NECAB2: variants seen among roughly 807,000 people sequenced by gnomAD.
The protein encoded by NECAB2 is N-terminal EF-hand calcium-binding protein 2.
Under a neutral mutation model 51.9 loss-of-function variants are expected in NECAB2, and 68 were observed. The observed-to-expected ratio is 1.31, with a 90% CI of 1.08 to 1.60. The LOEUF is 1.60. Ranked by LOEUF, NECAB2 falls within the 40% of genes most tolerant of loss-of-function variation. NECAB2 has a pLI of 0.00. For missense variants in NECAB2, 854 were observed against 490.3 expected, an observed-to-expected ratio of 1.74 and a Z score of -7.00; for synonymous variants, 329 against 203.5, an observed-to-expected ratio of 1.62 and a Z score of -5.25.
At chr16:84,001,462 C>G (rs1368719779) in intron 11 of NECAB2, among the ~76,000 whole-genome samples, 1 of 152,144 alleles carries the variant, frequency 6.6e-6, no homozygotes, top group Non-Finnish European at 1.5e-5. Flanking sequence ...CCTGTCCGTA[C>G]TTCAGTGACT....
chr16:84,000,455 C>G (rs1287477837), intron 10 of NECAB2, among the ~76,000 whole-genome samples: 1 of 152,194 alleles, frequency 6.6e-6, no homozygotes, highest in Non-Finnish European at 1.5e-5. Flanking sequence ...TGCACTCCAG[C>G]CTGGGCAACA....
rs370686183 is a variant in NECAB2 at position 84,001,646 on chromosome 16, C to T, written c.1041-179C>T. ...CAGGGAAAAAGAGAAGCTCACTGCC[C>T]ACCCCAGAGTCAGCCTCCCTGGGCA... On this transcript the variant is annotated intron_variant, in intron 11 of 12. Transcript: ENST00000305202. Among the ~76,000 whole-genome samples the T allele has an allele frequency of 1.1e-4, 17 of 152,156 alleles. No individual in the cohort carries two copies. In the South Asian group the frequency reaches 1.5e-3, roughly 13 times the overall value.
chr16:83,979,415 G>A (rs1370830236), intron 3 of NECAB2, among the ~76,000 whole-genome samples: 1 of 152,152 alleles, frequency 6.6e-6, no homozygotes, highest in Non-Finnish European at 1.5e-5. Flanking sequence ...TGGTGGTTTG[G>A]ACCAGAGGCT....
intron 5 of NECAB2, among the ~76,000 whole-genome samples, 174 bp from the exon 6 acceptor site, chr16:83,990,320 G>A (rs1439048505): frequency 6.6e-6 from 1 of 152,194 alleles, no homozygotes; most frequent in African/African-American, 2.4e-5. Context: ...TCTAGCCTCT[G>A]CGTTGGAAAT....
upstream of NECAB2, chr16:83,965,482 C>T (rs141076493): frequency 2.2e-4 from 356 of 1,608,242 alleles, 1 homozygote; most frequent in African/African-American, 4.1e-3. Context: ...CGGTCCTCTA[C>T]GCCCGCCACT....
rs575418893 is a variant in NECAB2 at position 83,999,267 on chromosome 16, A to C, written c.962+950A>C. ...GGCCATTCTTGAGTAAGTAGCCAGG[A>C]TGGGGGGGCAGGACCCACTCCACTC... On this transcript the variant is annotated intron_variant, in intron 10 of 12. Coordinates refer to ENST00000305202, the MANE Select transcript of NECAB2 (RefSeq NM_019065.3). Among the ~76,000 whole-genome samples the C allele has an allele frequency of 2.7e-3, 404 of 148,094 alleles. 1 individual carries two copies. The highest frequency in any genetic ancestry group is 0.01 in the African/African-American group (385 of 38,266).
chr16:83,965,714 G>A (rs761992566), upstream of NECAB2: 18 of 1,613,494 alleles, frequency 1.1e-5, no homozygotes, highest in South Asian at 5.5e-5. Flanking sequence ...CCAGGACCTC[G>A]AGGGTGTCGA....
chr16:83,966,082 G>A (rs1053486049), upstream of NECAB2: 104 of 1,215,870 alleles, frequency 8.6e-5, no homozygotes, highest in South Asian at 1.7e-4. Context: ...TGCAGGACCC[G>A]TCCAAAGATG....
chr16:83,973,985 C>T (rs1395630354), intron 2 of NECAB2, among the ~76,000 whole-genome samples: 1 of 152,036 alleles, frequency 6.6e-6, no homozygotes, highest in Non-Finnish European at 1.5e-5. Context: ...CCCTCGGGCA[C>T]AGATGGGGTT....
chr16:83,999,563 C>A (rs562112892), intron 10 of NECAB2, among the ~76,000 whole-genome samples: 5 of 152,138 alleles, frequency 3.3e-5, no homozygotes, highest in African/African-American at 1.2e-4. Flanking sequence ...CTAGGCTGAG[C>A]ACTGTAGCCC....
At chr16:83,970,120 A>C (rs1274055446) in intron 1 of NECAB2, among the ~76,000 whole-genome samples, 2 of 152,146 alleles carry the variant, frequency 1.3e-5, no homozygotes, top group South Asian at 2.1e-4. Context: ...TGCAGCCCCA[A>C]GCTGCCCTGC....
intron 1 of NECAB2, among the ~76,000 whole-genome samples, chr16:83,970,734 G>A (rs1473570212): frequency 6.6e-6 from 1 of 152,140 alleles, no homozygotes; most frequent in Non-Finnish European, 1.5e-5. Flanking sequence ...TACCCTCCTT[G>A]TTAAAACAAG....
Position 83,981,051 on chromosome 16 carries a change from G to T in NECAB2, c.383G>T (p.Gly128Val). 6.2e-7 allele frequency: 1 copy of T among 1,614,160 alleles called. No homozygotes were observed. Among genetic ancestry groups the T allele is most frequent in the Non-Finnish European group, 8.5e-7 (1 of 1,180,016 alleles). ...ELCDYFVDHM[G>V]DYEDVLASLE... is the part of the protein sequence containing the mutation. ...CCAGATTACTTTGTGGACCACATGG[G>T]TGACTATGAGGATGTCCTGGCCTCC... The change falls in exon 5 of 13, where the codon GGT becomes GTT. Residue 128 changes from glycine (G) to valine (V), a missense_variant. Transcript: ENST00000305202.
chr16:83,996,511 C>G (rs1029464907), intron 8 of NECAB2, among the ~76,000 whole-genome samples: 1 of 152,164 alleles, frequency 6.6e-6, no homozygotes, highest in African/African-American at 2.4e-5. Context: ...GATGGTCTGT[C>G]CTCATGGAGG....
At chr16:83,983,205 G>C (rs1021531333) in intron 5 of NECAB2, among the ~76,000 whole-genome samples, 1 of 152,142 alleles carries the variant, frequency 6.6e-6, no homozygotes, top group Non-Finnish European at 1.5e-5. Flanking sequence ...TTTGTTTGTA[G>C]AAATGCAGCT....
At chr16:83,968,079 C>T (rs1317573925), upstream of NECAB2, among the ~76,000 whole-genome samples, 5 of 151,834 alleles carry the variant, frequency 3.3e-5, no homozygotes, top group South Asian at 1.0e-3. Flanking sequence ...AAGACTGGTT[C>T]TGGGCGTTTT....
At chr16:83,999,877 T>TTTTGA (rs1399070981) in intron 10 of NECAB2, among the ~76,000 whole-genome samples, 1 of 138,340 alleles carries the variant, frequency 7.2e-6, no homozygotes, top group African/African-American at 3.2e-5. Flanking sequence ...TTTAAAGGTT[T>TTTTGA]TTTGATTTTT....
intron 9 of NECAB2, among the ~76,000 whole-genome samples, chr16:83,997,794 A>G (rs900812347): frequency 2.0e-5 from 3 of 152,102 alleles, no homozygotes; most frequent in Non-Finnish European, 2.9e-5. Flanking sequence ...CACCTGGCCC[A>G]GAGGCTCCTG....
rs777907792 is a variant in NECAB2 at position 83,994,577 on chromosome 16, C to T, written c.716-32C>T. 2.5e-6 allele frequency: 4 copies of T among 1,613,626 alleles called. No individual in the cohort carries two copies. In the Admixed American group the frequency reaches 5.0e-5, roughly 20 times the overall value. On this transcript the variant is annotated intron_variant, in intron 7 of 12. Transcript: ENST00000305202. ...CCCGAAGCCCTCGTCCTGCCCACCA[C>T]TGAAGTCTGTGTGTCTCTTTCTCTA...
Sources: allele counts gnomAD v4.1 joint callset (sites outside exome capture counted in the v4.1 genomes callset), GRCh38; gene constraint gnomAD v4.1.1; transcripts MANE v1.5; gene names NCBI Gene and HGNC (gene_info 2026-07-23, HGNC 2026-07-21).